Variants in IGSF11 observed in about 807,000 individuals in gnomAD.
IGSF11 encodes CXADR like 1.
A neutral mutation model predicts 41.0 loss-of-function variants in IGSF11; 22 were observed. The ratio of observed to expected loss-of-function variants is 0.54; its 90% CI spans 0.38 to 0.77. The LOEUF (loss-of-function observed/expected upper bound fraction) is 0.77. Among genes scored for constraint, IGSF11 ranks in the 30% least tolerant of loss-of-function variants. IGSF11 has a pLI of 0.00. For synonymous variants in IGSF11, 219 were observed against 201.3 expected, an observed-to-expected ratio of 1.09 and a Z score of -0.74; for missense variants, 444 against 530.8, an observed-to-expected ratio of 0.84 and a Z score of 1.61.
intron 1 of IGSF11, among the ~76,000 whole-genome samples, chr3:119,055,743 T>C (rs1410060932): frequency 6.6e-6 from 1 of 152,152 alleles, no homozygotes. Context: ...TCAGCAAATG[T>C]AAAAGAACAG....
intron 1 of IGSF11, among the ~76,000 whole-genome samples, chr3:119,013,635 C>T (rs752576909): frequency 6.6e-6 from 1 of 152,128 alleles, no homozygotes; most frequent in Non-Finnish European, 1.5e-5. Context: ...TAGATTCTGG[C>T]GACACAACAG....
At chr3:118,992,416 T>C (rs947957844) in intron 1 of IGSF11, among the ~76,000 whole-genome samples, 2 of 152,236 alleles carry the variant, frequency 1.3e-5, no homozygotes, top group African/African-American at 2.4e-5. Context: ...TTAGATGGCG[T>C]TCTTTAAACA....
rs144416307 is a variant in IGSF11 at position 119,059,179 on chromosome 3, T to TCACACACA, written c.49+45957_49+45964dup. Among the ~76,000 whole-genome samples, 1,197 of 147,942 alleles carry TCACACACA rather than the reference T, an allele frequency of 8.1e-3. 10 individuals carry two copies. Among genetic ancestry groups the TCACACACA allele is most frequent in the East Asian group, 0.048 (242 of 5,036 alleles). Reference sequence around the variant, plus strand: ...TGTAGTGTGTGTGTATATACACAGATCACACACACACACACACACACACAC... The same window carrying TCACACACA: ...TGTAGTGTGTGTGTATATACACAGATCACACACACACACACACACACACACACACACAC... On this transcript the variant is annotated intron_variant, in intron 1 of 6. Transcript: ENST00000354673.
intron 1 of IGSF11, among the ~76,000 whole-genome samples, chr3:118,935,376 A>G (rs572599947): frequency 6.8e-4 from 68 of 99,878 alleles, no homozygotes; most frequent in African/African-American, 4.1e-3. Context: ...TGAGATATAT[A>G]CACACACACA....
chr3:119,077,121 A>T (rs1307371749), intron 1 of IGSF11, among the ~76,000 whole-genome samples: 1 of 152,224 alleles, frequency 6.6e-6, no homozygotes, highest in Non-Finnish European at 1.5e-5. Context: ...CTTTGTAGGG[A>T]CATGGATGAA....
At chr3:118,959,512 A>G (rs1945187946) in intron 1 of IGSF11, among the ~76,000 whole-genome samples, 2 of 152,254 alleles carry the variant, frequency 1.3e-5, no homozygotes, top group African/African-American at 2.4e-5. Flanking sequence ...AATAACATAC[A>G]TGGATAACGT....
chr3:118,936,983 G>T lies in IGSF11; in HGVS notation c.53-6708C>A, dbSNP rs534977830. ...ACTCATCAGAGATTGAACGTTGGAT[G>T]TTCACAATGGGGACTGGCCCAAGCA... On this transcript the variant is annotated intron_variant, in intron 1 of 6. Transcript: ENST00000393775. 2.6e-5 allele frequency among the ~76,000 whole-genome samples: 4 copies of T among 152,320 alleles called. No individual in the cohort carries two copies. The South Asian group carries it at 8.3e-4, about 32-fold the overall frequency.
chr3:119,076,395 G>A (rs939687298), intron 1 of IGSF11, among the ~76,000 whole-genome samples: 3 of 152,162 alleles, frequency 2.0e-5, no homozygotes, highest in African/African-American at 4.8e-5. Flanking sequence ...GGCAACAAAA[G>A]CCAAAATTGA....
At chr3:119,018,484 C>T (rs1361130957) in intron 1 of IGSF11, among the ~76,000 whole-genome samples, 4 of 152,208 alleles carry the variant, frequency 2.6e-5, no homozygotes, top group African/African-American at 9.6e-5. Flanking sequence ...AATCCACTTA[C>T]TGATCACTTA....
At chr3:119,047,591 G>A (rs1941416764) in intron 1 of IGSF11, among the ~76,000 whole-genome samples, 1 of 152,134 alleles carries the variant, frequency 6.6e-6, no homozygotes, top group Non-Finnish European at 1.5e-5. Flanking sequence ...AGACCAATGA[G>A]ACAGAAAGTC....
chr3:118,962,449 G>C (rs1252859655), intron 1 of IGSF11, among the ~76,000 whole-genome samples: 1 of 152,086 alleles, frequency 6.6e-6, no homozygotes, highest in African/African-American at 2.4e-5. Context: ...GGAAAGGTGA[G>C]TCTTAAAAAA....
chr3:119,058,412 A>C (rs1941933528), intron 1 of IGSF11, among the ~76,000 whole-genome samples: 1 of 152,230 alleles, frequency 6.6e-6, no homozygotes, highest in Non-Finnish European at 1.5e-5. Flanking sequence ...TGTAAATCAA[A>C]ACCACAATGA....
rs568391544 is a variant in IGSF11 at position 119,137,211 on chromosome 3, TA to T, written c.-14+8601del. ...ATACCAATTATATTCTTCACAGAAA[TA>T]AAAAAAAAATCCTCAAATTTATATG... On this transcript the variant is annotated intron_variant, in intron 1 of 7. Coordinates refer to the IGSF11 transcript ENST00000425327. Among the ~76,000 whole-genome samples, 244 of 148,612 alleles carry T rather than the reference TA, an allele frequency of 1.6e-3. 3 individuals are homozygous for T. Among genetic ancestry groups the T allele is most frequent in the African/African-American group, 5.1e-3 (208 of 40,680 alleles).
At chr3:118,999,623 T>C (rs1028125617) in intron 1 of IGSF11, among the ~76,000 whole-genome samples, 2 of 152,170 alleles carry the variant, frequency 1.3e-5, no homozygotes, top group African/African-American at 4.8e-5. Flanking sequence ...ATATTCAATT[T>C]TTCTCATTGC....
chr3:119,103,932 C>G (rs115127906), intron 1 of IGSF11, among the ~76,000 whole-genome samples: 1 of 152,150 alleles, frequency 6.6e-6, no homozygotes, highest in South Asian at 2.1e-4. Context: ...CATAACTGCT[C>G]TTGGTAATGC....
intron 1 of IGSF11, among the ~76,000 whole-genome samples, chr3:119,058,635 A>G (rs2107449063): frequency 6.6e-6 from 1 of 152,364 alleles, no homozygotes; most frequent in Non-Finnish European, 1.5e-5. Context: ...TATGTACCCA[A>G]AGGATTATAA....
intron 1 of IGSF11, among the ~76,000 whole-genome samples, chr3:119,093,157 A>C (rs2076792816): frequency 6.6e-6 from 1 of 152,208 alleles, no homozygotes; most frequent in African/African-American, 2.4e-5. Flanking sequence ...ATAACAGAAA[A>C]TGCCCTATCG....
At chr3:119,134,171 C>A (rs767195748) in intron 1 of IGSF11, among the ~76,000 whole-genome samples, 1 of 137,884 alleles carries the variant, frequency 7.3e-6, no homozygotes, top group Non-Finnish European at 1.6e-5. Flanking sequence ...AGGATGCCCT[C>A]TCTCACCACT....
At position 118,929,642 on chromosome 3, in the gene IGSF11, C is replaced by T. The variant is rs528399678; in HGVS notation, c.216+470G>A. Among the ~76,000 whole-genome samples, 32 of 152,202 alleles carry T rather than the reference C, an allele frequency of 2.1e-4. No homozygotes were observed. In the South Asian group the frequency reaches 6.4e-3, roughly 31 times the overall value. ...TTCCATTTTCATGTACATTCTTTCA[C>T]GTACACATTCTATTAATAATTTATA... On this transcript the variant is annotated intron_variant, in intron 2 of 6. Coordinates refer to ENST00000393775, the MANE Select transcript of IGSF11 (RefSeq NM_001015887.3).
Sources: allele counts gnomAD v4.1 joint callset (sites outside exome capture counted in the v4.1 genomes callset), GRCh38; gene constraint gnomAD v4.1.1; transcripts MANE v1.5; gene names NCBI Gene and HGNC (gene_info 2026-07-23, HGNC 2026-07-21).